Variants in ZNF486 observed in about 807,000 individuals in gnomAD.
ZNF486 encodes KRAB box only protein 2.
In ZNF486, 12 loss-of-function variants were observed where a neutral mutation model predicts 12.8. The observed-to-expected ratio is 0.94, with a 90% CI of 0.60 to 1.52. ZNF486 has a LOEUF of 1.52. Ranked by LOEUF, ZNF486 falls within the 40% of genes most tolerant of loss-of-function variation. The probability of loss-of-function intolerance (pLI) is 0.00; values close to 1 mark genes in which losing one functional copy is unlikely to be tolerated. For synonymous variants in ZNF486, 231 were observed against 184.9 expected (o/e 1.25, Z -2.02); for missense variants, 738 against 545.0 (o/e 1.35, Z -3.53).
chr19:20,196,287 A>T (rs1209377186), intron 3 of ZNF486, among the ~76,000 whole-genome samples: 3 of 152,182 alleles, frequency 2.0e-5, no homozygotes, highest in Non-Finnish European at 4.4e-5. Context: ...AATTTCTGGA[A>T]TTACAGGCAT....
At chr19:20,189,179 A>G (rs1259910803) in intron 3 of ZNF486, among the ~76,000 whole-genome samples, 1 of 151,934 alleles carries the variant, frequency 6.6e-6, no homozygotes, top group East Asian at 1.9e-4. Flanking sequence ...GGTTCAAGCA[A>G]TTCTGCTTCA....
intron 1 of ZNF486, among the ~76,000 whole-genome samples, chr19:20,171,308 A>G (rs1555713852): frequency 6.6e-6 from 1 of 152,152 alleles, no homozygotes; most frequent in Non-Finnish European, 1.5e-5. Context: ...AACTTAGAGA[A>G]AAGGAGCTCT....
chr19:20,176,811 T>A (rs2089723058), intron 1 of ZNF486: 1 of 152,774 alleles, frequency 6.5e-6, no homozygotes, highest in Non-Finnish European at 1.5e-5. Context: ...AGAGGGAGAC[T>A]GTGGGGAGAG....
At chr19:20,168,427 G>A (rs560945372) in intron 1 of ZNF486, among the ~76,000 whole-genome samples, 1 of 152,326 alleles carries the variant, frequency 6.6e-6, no homozygotes, top group African/African-American at 2.4e-5. Flanking sequence ...GGCCAAGGCA[G>A]GCGGATCACC....
intron 3 of ZNF486, among the ~76,000 whole-genome samples, chr19:20,191,602 T>C (rs2089903663): frequency 6.7e-6 from 1 of 150,148 alleles, no homozygotes; most frequent in Non-Finnish European, 1.5e-5. Flanking sequence ...ACCCCGTCTC[T>C]ATTAAAAATA....
At chr19:20,168,615 T>TTGC (rs1278619627) in intron 1 of ZNF486, among the ~76,000 whole-genome samples, 1 of 151,064 alleles carries the variant, frequency 6.6e-6, no homozygotes, top group Non-Finnish European at 1.5e-5. Context: ...GATCGTGCCA[T>TTGC]TGCACTCCAG....
chr19:20,171,166 T>A (rs140349873), intron 1 of ZNF486, among the ~76,000 whole-genome samples: 147 of 152,274 alleles, frequency 9.7e-4, no homozygotes, highest in African/African-American at 3.3e-3. Context: ...TAAAAAGATA[T>A]CACAGAGGCC....
chr19:20,184,251 A>C, intron 1 of ZNF486, 105 bp from the exon 2 acceptor site: 2 of 1,534,274 alleles, frequency 1.3e-6, no homozygotes, highest in Non-Finnish European at 1.8e-6. Flanking sequence ...ATTTTAGTCA[A>C]TCCTATAAGT....
intron 1 of ZNF486, among the ~76,000 whole-genome samples, chr19:20,181,300 G>C (rs571120507): frequency 5.3e-5 from 8 of 152,174 alleles, no homozygotes; most frequent in African/African-American, 1.9e-4. Context: ...AGCACTTTGG[G>C]AGGCCAAGGC....
chr19:20,177,537 T>A (rs912165483), intron 1 of ZNF486, among the ~76,000 whole-genome samples: 1 of 152,116 alleles, frequency 6.6e-6, no homozygotes, highest in Non-Finnish European at 1.5e-5. Context: ...CTTAAGCAGA[T>A]GGACTATGAT....
chr19:20,197,271 T>C lies in ZNF486; in HGVS notation c.561T>C (p.Gly187=), dbSNP rs1555718168. The change falls in exon 4 of 4, where the codon GGT becomes GGC. Residue 187 remains glycine (G), a synonymous_variant. Transcript: ENST00000335117. ...TEKKPLKYIE[G]DKAFNQSSTH... The stretch of plus-strand genomic sequence containing the variant: ...AAAAACCTTTGAAATATATAGAAGG[T>C]GACAAAGCTTTTAACCAGTCCTCAA... The C allele has an allele frequency of 1.9e-6, 3 of 1,610,618 alleles. No individual in the cohort carries two copies. Among genetic ancestry groups the C allele is most frequent in the Non-Finnish European group, 2.5e-6 (3 of 1,179,130 alleles).
At chr19:20,179,946 A>G (rs1480461730) in intron 1 of ZNF486, among the ~76,000 whole-genome samples, 2 of 152,208 alleles carry the variant, frequency 1.3e-5, no homozygotes, top group African/African-American at 4.8e-5. Context: ...GGAGTAGAGT[A>G]TTTTTGTTTC....
chr19:20,181,250 G>GA (rs1555715498), intron 1 of ZNF486, among the ~76,000 whole-genome samples: 1 of 151,592 alleles, frequency 6.6e-6, no homozygotes, highest in African/African-American at 2.4e-5. Flanking sequence ...AGATGAAAGG[G>GA]AAAAATAGTC....
intron 3 of ZNF486, among the ~76,000 whole-genome samples, chr19:20,196,529 C>A (rs1231551031): frequency 6.6e-6 from 1 of 152,094 alleles, no homozygotes; most frequent in Non-Finnish European, 1.5e-5. Flanking sequence ...GGGGTTTCAC[C>A]ATCTTGGCCA....
At chr19:20,175,383 G>A (rs2122634800) in intron 1 of ZNF486, 1 of 140,204 alleles carries the variant, frequency 7.1e-6, no homozygotes, top group East Asian at 2.3e-4. Context: ...TCGCAGAGGG[G>A]GATTTGGCAG....
At chr19:20,173,521 C>T (rs2089672649) in intron 1 of ZNF486, among the ~76,000 whole-genome samples, 1 of 152,034 alleles carries the variant, frequency 6.6e-6, no homozygotes, top group Non-Finnish European at 1.5e-5. Context: ...TCCAAGAGTT[C>T]AAAACTCCTT....
chr19:20,193,831 G>T (rs982397000), intron 3 of ZNF486, among the ~76,000 whole-genome samples: 1 of 149,926 alleles, frequency 6.7e-6, no homozygotes, highest in Non-Finnish European at 1.5e-5. Flanking sequence ...TTTTTGTATT[G>T]ATATGCTTTC....
chr19:20,167,443 T>A (rs1212457867), intron 1 of ZNF486, 83 bp downstream of exon 1: 1 of 1,489,944 alleles, frequency 6.7e-7, no homozygotes, highest in Non-Finnish European at 9.2e-7. Context: ...GGCCTCCCCG[T>A]AGTCAGCTCC....
chr19:20,177,127 T>A (rs189476966), intron 1 of ZNF486: 2 of 152,322 alleles, frequency 1.3e-5, no homozygotes, highest in African/African-American at 4.8e-5. Flanking sequence ...TCATATAAAA[T>A]GTGAGCTGTG....
Sources: allele counts gnomAD v4.1 joint callset (sites outside exome capture counted in the v4.1 genomes callset), GRCh38; gene constraint gnomAD v4.1.1; transcripts MANE v1.5; gene names NCBI Gene and HGNC (gene_info 2026-07-23, HGNC 2026-07-21).